LIG1: variants seen among roughly 807,000 people sequenced by gnomAD.
LIG1 encodes the protein DNA ligase 1.
A neutral mutation model predicts 115.7 loss-of-function variants in LIG1; 70 were observed. That is an observed-to-expected ratio of 0.60 (90% CI 0.50 to 0.74). The LOEUF (loss-of-function observed/expected upper bound fraction) is 0.74. Among genes scored for constraint, LIG1 ranks in the 30% least tolerant of loss-of-function variants. The pLI is 0.00. For missense variants in LIG1, 1,115 were observed against 1,225.6 expected (o/e 0.91, Z 1.35); for synonymous variants, 487 against 495.3 (o/e 0.98, Z 0.22).
intron 24 of LIG1, 89 bp from the exon 25 acceptor site, chr19:48,119,279 C>T: frequency 1.9e-6 from 2 of 1,025,782 alleles, no homozygotes; most frequent in Non-Finnish European, 3.0e-6. Context: ...CACTCATGGC[C>T]CCCACCCCAC....
chr19:48,115,728 G>A lies in LIG1; in HGVS notation c.2681C>T (p.Ala894Val), dbSNP rs777800230. Residue 894 changes from alanine to valine, a missense_variant, in exon 28 of 28, where the codon GCC (alanine) becomes GTC (valine). Ala to Val is a moderately conservative substitution (Grantham distance 64). Transcript: ENST00000263274. ...CTGACTTTGCTTCCGGTACAAACAG[G>A]CCACCTGCGGAGAGAGGGTGGGACG... is the stretch of plus-strand genomic sequence containing the variant. ...PEQATTSAQV[A>V]CLYRKQSQIQ... 2 of 1,613,732 alleles carry A rather than the reference G, an allele frequency of 1.2e-6. No homozygotes were observed. The highest frequency in any genetic ancestry group is 2.2e-5 in the South Asian group (2 of 91,086).
intron 11 of LIG1, among the ~76,000 whole-genome samples, chr19:48,142,014 G>C (rs967724774): frequency 1.3e-5 from 2 of 152,158 alleles, no homozygotes; most frequent in Non-Finnish European, 2.9e-5. Context: ...ACAAAATACA[G>C]AAGAGGGCCG....
At chr19:48,151,083 C>A in intron 7 of LIG1, 149 bp downstream of exon 7, 1 of 585,912 alleles carries the variant, frequency 1.7e-6, no homozygotes. Flanking sequence ...AAAAAAAACC[C>A]GAGTAATAAA....
intron 21 of LIG1, chr19:48,126,984 G>A (rs893103881): frequency 2.5e-5 from 11 of 437,514 alleles, no homozygotes; most frequent in Non-Finnish European, 3.8e-5. Flanking sequence ...GCTTAACAGA[G>A]GCTGGATTCT....
chr19:48,162,464 C>G (rs985482891), intron 2 of LIG1, 113 bp from the exon 3 acceptor site: 94 of 739,982 alleles, frequency 1.3e-4, no homozygotes, highest in Non-Finnish European at 1.9e-4. Flanking sequence ...GACAGAGTCT[C>G]GCTCTGTAGC....
chr19:48,137,435 G>T lies in LIG1; in HGVS notation c.1254+87C>A. The T allele has an allele frequency of 6.5e-7, 1 of 1,529,676 alleles. No homozygotes were observed. Among genetic ancestry groups the T allele is most frequent in the Non-Finnish European group, 8.9e-7 (1 of 1,126,944 alleles). 94.8% of individuals were successfully genotyped at this position (1,529,676 alleles called of 1,614,324 possible). A position where few individuals can be genotyped will look rare whatever the true frequency, so the allele number is the denominator to read the frequency against. On this transcript the variant is annotated intron_variant, in intron 13 of 27. Transcript: ENST00000263274. The surrounding 1 kb of genome is among the most constrained non-coding windows in gnomAD (Gnocchi z 4.3). ...GAAGGACTGATGCGACCCAGCTGAT[G>T]GTCTACCCAGAAGCCTTCCTGACAC...
In LIG1 at chr19:48,129,577, A is replaced by G. The variant is rs769757750; in HGVS notation, c.1821+1499T>C. Among the ~76,000 whole-genome samples, 158 of 152,106 alleles carry G rather than the reference A, an allele frequency of 1.0e-3. 2 individuals are homozygous for G. Among genetic ancestry groups the G allele is most frequent in the Non-Finnish European group, 2.6e-4 (18 of 68,014 alleles). On this transcript the variant is annotated intron_variant, in intron 19 of 27. Coordinates refer to ENST00000263274, the MANE Select transcript of LIG1 (RefSeq NM_000234.3). ...CCAGTAAATACTTGCTGAACGAATG[A>G]GCAAAAGCAGCCAGATGCAAGAGAC... is the stretch of plus-strand genomic sequence containing the variant.
chr19:48,133,052 C>A lies in LIG1; in HGVS notation c.1655G>T (p.Ser552Ile), dbSNP rs1303265810. 1 of 1,614,170 alleles carries A rather than the reference C, an allele frequency of 6.2e-7. No individual in the cohort carries two copies. Among genetic ancestry groups the A allele is most frequent in the Non-Finnish European group, 8.5e-7 (1 of 1,180,022 alleles). The change falls in exon 18 of 28, where the codon AGC becomes ATC. Residue 552 changes from serine (S) to isoleucine (I), a missense_variant. Transcript: ENST00000263274. Reference sequence around the variant, plus strand: ...CTCCTCAAAGCGTTTCAGGACCTCGCTGATGCCCCGGGTGGGATGGGCCAA... The same window carrying A: ...CTCCTCAAAGCGTTTCAGGACCTCGATGATGCCCCGGGTGGGATGGGCCAA... Reference protein sequence around the residue: ...PMLAHPTRGISEVLKRFEEAA... With the variant: ...PMLAHPTRGIIEVLKRFEEAA...
At chr19:48,123,582 G>C (rs1284268295) in intron 21 of LIG1, 11 of 547,882 alleles carry the variant, frequency 2.0e-5, no homozygotes, top group South Asian at 1.3e-4. Context: ...GCTGGAGCTT[G>C]AATTAACACT....
chr19:48,115,960 AT>A lies in LIG1; in HGVS notation c.2588del (p.Asp863ValfsTer63), dbSNP rs761865488. 6.2e-7 allele frequency: 1 copy of A among 1,613,306 alleles called. No homozygotes were observed. The highest frequency in any genetic ancestry group is 8.5e-7 in the Non-Finnish European group (1 of 1,179,770). ...AGCGAAGGGAGATGCCCTTGTCACT[AT>A]CCACCTGCGGAAGCGGGATGGAGAC... ...PIYPAARGLV[D>X]SDKGISLRFP... On this transcript the variant is annotated frameshift_variant, in exon 27 of 28. Coordinates refer to ENST00000263274, the MANE Select transcript of LIG1 (RefSeq NM_000234.3). LOFTEE classifies it high-confidence loss of function.
At chr19:48,127,852 C>G in intron 20 of LIG1, 58 bp downstream of exon 20, 3 of 1,402,900 alleles carry the variant, frequency 2.1e-6, no homozygotes, top group Non-Finnish European at 3.0e-6. Flanking sequence ...ACAGCCAGGA[C>G]TGGGTGGAAG....
rs969106662 is a variant in LIG1, at chr19:48,125,971, G to T, written c.2004+1306C>A. ...CCACTGCACTCCAGCCTGGGCAACA[G>T]AGTGAGACTCCATCTCAAAAAAAAA... On this transcript the variant is annotated intron_variant, in intron 21 of 27. Transcript: ENST00000263274. Among the ~76,000 whole-genome samples, 6 of 133,480 alleles carry T rather than the reference G, an allele frequency of 4.5e-5. No homozygotes were observed. In the Admixed American group the frequency reaches 4.9e-4, roughly 11 times the overall value. 87.6% of individuals were successfully genotyped at this position (133,480 alleles called of 152,430 possible).
chr19:48,148,524 T>G, intron 9 of LIG1, among the ~76,000 whole-genome samples: 1 of 145,910 alleles, frequency 6.9e-6, no homozygotes, highest in African/African-American at 2.5e-5. Context: ...GGGGACATGG[T>G]GTGCAGAGGG....
chr19:48,145,613 G>T (rs940127375), intron 9 of LIG1, among the ~76,000 whole-genome samples: 28 of 152,140 alleles, frequency 1.8e-4, no homozygotes, highest in African/African-American at 6.5e-4. Context: ...ATGGCCTTTG[G>T]TATGAACTTG....
Position 48,131,164 on chromosome 19 carries a change from G to A in LIG1, c.1733C>T (p.Ala578Val), listed in dbSNP as rs538601239. 6.2e-7 allele frequency: 1 copy of A among 1,613,836 alleles called. No homozygotes were observed. The highest frequency in any genetic ancestry group is 1.3e-5 in the African/African-American group (1 of 75,036). ...GATCTTCACCTCCCCGCCTTCCAGG[G>A]CGTGGATCTGTCACGATGGGAGAAG... ...KYDGQRAQIH[A>V]LEGGEVKIFS... The change falls in exon 19 of 28, where the codon GCC (alanine) becomes GTC (valine). Residue 578 changes from alanine (A) to valine (V), a missense_variant. By Grantham distance (64) the Ala-to-Val change is moderately conservative. Coordinates refer to ENST00000263274, the MANE Select transcript of LIG1 (RefSeq NM_000234.3).
At chr19:48,159,365 TGGCC>T (rs2036042205) in intron 4 of LIG1, among the ~76,000 whole-genome samples, 1 of 152,002 alleles carries the variant, frequency 6.6e-6, no homozygotes, top group Non-Finnish European at 1.5e-5. Context: ...CCATCATGCC[TGGCC>T]AGATGAATAT....
intron 18 of LIG1, among the ~76,000 whole-genome samples, chr19:48,131,941 T>C (rs1252948796): frequency 6.6e-6 from 1 of 150,768 alleles, no homozygotes; most frequent in Non-Finnish European, 1.5e-5. Context: ...ACCCTTTTTT[T>C]TTTTTTTTTT....
rs1234932791 is a variant in LIG1 at position 48,150,224 on chromosome 19, G to A, written c.575-14C>T. ...GGGTCTCTGCTTCTGCGGTGAGAGAGCTCAGACGGTGATGCAAACTCTTTG... is the reference window on the plus strand; with the variant it reads ...GGGTCTCTGCTTCTGCGGTGAGAGAACTCAGACGGTGATGCAAACTCTTTG... On this transcript the variant is annotated splice_polypyrimidine_tract_variant and intron_variant, in intron 7 of 27. Transcript: ENST00000263274. The A allele has an allele frequency of 4.3e-6, 7 of 1,613,934 alleles. No individual in the cohort carries two copies. In the East Asian group the frequency reaches 1.6e-4, roughly 36 times the overall value.
In LIG1 at chr19:48,137,852, G is replaced by A. The variant is rs2034497465; in HGVS notation, c.1088-164C>T. 1.2e-6 allele frequency: 1 copy of A among 858,304 alleles called. No individual in the cohort carries two copies. Among genetic ancestry groups the A allele is most frequent in the African/African-American group, 1.7e-5 (1 of 59,758 alleles). 53.2% of individuals were successfully genotyped at this position (858,304 alleles called of 1,614,324 possible). ...ACCCACTTGGTAGAAATGGCTTGGG[G>A]AACGTGCCCCCAGCCACGCTGGCTG... On this transcript the variant is annotated intron_variant, in intron 12 of 27. Coordinates refer to ENST00000263274, the MANE Select transcript of LIG1 (RefSeq NM_000234.3). The surrounding 1 kb of genome is among the most constrained non-coding windows in gnomAD (Gnocchi z 4.3).
Sources: gnomAD v4.1 joint callset for allele counts (sites outside exome capture counted in the v4.1 genomes callset) on GRCh38, gnomAD v4.1.1 for gene constraint, Gnocchi (gnomAD v3.1) non-coding constraint, MANE v1.5 for transcripts, NCBI Gene and HGNC (gene_info 2026-07-23, HGNC 2026-07-21) for gene names.